The following ADGRL2 variants were observed in gnomAD, a reference collection of about 807,000 sequenced individuals.
The protein encoded by ADGRL2 is calcium-independent alpha-latrotoxin receptor 2.
A neutral mutation model predicts 157.4 loss-of-function variants in ADGRL2; 44 were observed. That is an observed-to-expected ratio of 0.28 (90% confidence interval 0.22 to 0.36). The LOEUF is 0.36. ADGRL2 is among the 10% of genes least tolerant of loss of function. The probability of loss-of-function intolerance (pLI) is 1.00; values close to 1 mark genes in which losing one functional copy is unlikely to be tolerated. For synonymous variants in ADGRL2, 585 were observed against 624.7 expected (o/e 0.94, Z 0.95); for missense variants, 1,510 against 1,768.9 (o/e 0.85, Z 2.63).
chr1:81,475,451 CA>C lies in ADGRL2; in HGVS notation c.-248+30366del, dbSNP rs1361927508. Among the ~76,000 whole-genome samples, 4 of 152,178 alleles carry C rather than the reference CA, an allele frequency of 2.6e-5. No homozygotes were observed. In the Middle Eastern group the frequency reaches 0.01, roughly 388 times the overall value. On this transcript the variant is annotated intron_variant, in intron 2 of 24. Coordinates refer to the ADGRL2 transcript ENST00000370721. ...TAGGTGACATAGGTGAGCTCTTTCT[CA>C]AAAGATTTTTAAAGCATTTATGCAG...
Position 81,941,666 on chromosome 1 carries a change from A to G in ADGRL2, c.398-368A>G, listed in dbSNP as rs76431706. On this transcript the variant is annotated intron_variant, in intron 4 of 23. Transcript: ENST00000686636. ...GCATTTATGTCTATAGCATACATAT[A>G]GGAAGTAAAACTTGGTAAGAATGCT... Among the ~76,000 whole-genome samples, 1,215 of 152,014 alleles carry G rather than the reference A, an allele frequency of 8.0e-3. 22 individuals carry two copies. The highest frequency in any genetic ancestry group is 0.028 in the African/African-American group (1,163 of 41,540).
chr1:81,345,783 C>A (rs1662439858), intron 1 of ADGRL2, among the ~76,000 whole-genome samples: 1 of 151,962 alleles, frequency 6.6e-6, no homozygotes, highest in South Asian at 2.1e-4. Flanking sequence ...CGTAAAAATG[C>A]TTAGAATATT....
chr1:81,859,645 C>T (rs2093326867), intron 2 of ADGRL2, among the ~76,000 whole-genome samples: 1 of 152,000 alleles, frequency 6.6e-6, no homozygotes, highest in South Asian at 2.1e-4. Flanking sequence ...TGAGCTCAAG[C>T]AATCCACCCA....
chr1:81,659,422 T>G (rs947334829), intron 3 of ADGRL2, among the ~76,000 whole-genome samples: 1 of 152,140 alleles, frequency 6.6e-6, no homozygotes, highest in Non-Finnish European at 1.5e-5. Flanking sequence ...CCAAAGTGCA[T>G]GCCAATGGGA....
chr1:81,419,632 T>G (rs1018826282), intron 1 of ADGRL2, among the ~76,000 whole-genome samples: 6 of 152,208 alleles, frequency 3.9e-5, no homozygotes, highest in African/African-American at 1.4e-4. Flanking sequence ...CATAAATATC[T>G]CTAGGACAGT....
At chr1:81,583,132 C>T (rs904358945) in intron 3 of ADGRL2, among the ~76,000 whole-genome samples, 1 of 152,162 alleles carries the variant, frequency 6.6e-6, no homozygotes, top group African/African-American at 2.4e-5. Context: ...AAAGGACAAA[C>T]TATAAACTTA....
At chr1:81,932,405 C>CCT (rs1298812192) in intron 3 of ADGRL2, among the ~76,000 whole-genome samples, 1 of 152,196 alleles carries the variant, frequency 6.6e-6, no homozygotes, top group Non-Finnish European at 1.5e-5. Context: ...AGCAAGAAGA[C>CCT]ATATTAACAT....
At chr1:81,511,793 C>T (rs1010133426) in intron 2 of ADGRL2, among the ~76,000 whole-genome samples, 11 of 151,726 alleles carry the variant, frequency 7.2e-5, no homozygotes, top group African/African-American at 2.4e-4. Context: ...AACAATGTTC[C>T]GGAATTTTTT....
intron 1 of ADGRL2, among the ~76,000 whole-genome samples, chr1:81,343,860 T>TCCTAATACCATACC (rs1192214676): frequency 6.6e-6 from 1 of 152,154 alleles, no homozygotes; most frequent in Non-Finnish European, 1.5e-5. Flanking sequence ...AGTCCTCACC[T>TCCTAATACCATACC]CCTAATACCA....
At chr1:81,698,957 G>T (rs2083501169), upstream of ADGRL2, among the ~76,000 whole-genome samples, 1 of 152,012 alleles carries the variant, frequency 6.6e-6, no homozygotes, top group African/African-American at 2.4e-5. Flanking sequence ...GAGCAAAAAT[G>T]ATTTCCTTTC....
In ADGRL2 at chr1:81,987,091, C is replaced by T. The variant is rs1245544597; in HGVS notation, c.3637+62C>T. ...CTGCTAAACAGAGCTATGATCTTTG[C>T]CCTGTTTCTAAAATATTCAAGTTGT... On this transcript the variant is annotated intron_variant, in intron 22 of 23. Transcript: ENST00000686636. 11 of 1,549,064 alleles carry T rather than the reference C, an allele frequency of 7.1e-6. No individual in the cohort carries two copies. In the Admixed American group the frequency reaches 8.1e-5, roughly 11 times the overall value.
At chr1:81,411,518 A>T (rs2076944504) in intron 1 of ADGRL2, among the ~76,000 whole-genome samples, 1 of 152,182 alleles carries the variant, frequency 6.6e-6, no homozygotes, top group African/African-American at 2.4e-5. Context: ...TCAAAGTTAG[A>T]AGGTAGCAAA....
chr1:81,762,435 A>G (rs1457002546), intron 2 of ADGRL2, among the ~76,000 whole-genome samples: 6 of 152,180 alleles, frequency 3.9e-5, no homozygotes, highest in Admixed American at 3.9e-4. Context: ...AACAGGAAAT[A>G]TTTAGTTTTA....
chr1:81,517,570 T>A (rs2079210194), intron 2 of ADGRL2, among the ~76,000 whole-genome samples: 1 of 151,778 alleles, frequency 6.6e-6, no homozygotes, highest in Admixed American at 6.6e-5. Context: ...ACTGCTTTTG[T>A]CCACTGCTTT....
intron 3 of ADGRL2, among the ~76,000 whole-genome samples, chr1:81,656,310 T>C (rs2082532246): frequency 6.6e-6 from 1 of 152,154 alleles, no homozygotes; most frequent in African/African-American, 2.4e-5. Context: ...AGATGCCAAA[T>C]GGAGACCTAC....
At chr1:81,738,978 G>A (rs2084987539) in intron 1 of ADGRL2, among the ~76,000 whole-genome samples, 1 of 152,204 alleles carries the variant, frequency 6.6e-6, no homozygotes, top group African/African-American at 2.4e-5. Context: ...CTACCCCAGG[G>A]ACCAGTGGCC....
intron 1 of ADGRL2, among the ~76,000 whole-genome samples, chr1:81,349,856 A>T (rs979766096): frequency 3.3e-5 from 5 of 151,818 alleles, no homozygotes; most frequent in Admixed American, 2.6e-4. Context: ...GGAAGGCGGG[A>T]GGGAAAAAAA....
intron 3 of ADGRL2, among the ~76,000 whole-genome samples, chr1:81,917,621 G>A (rs933906993): frequency 2.0e-5 from 3 of 152,146 alleles, no homozygotes; most frequent in Non-Finnish European, 4.4e-5. Context: ...CTCAAAATTT[G>A]TTAACATGTC....
chr1:81,493,006 A>T (rs1005565310), intron 2 of ADGRL2, among the ~76,000 whole-genome samples: 1 of 152,212 alleles, frequency 6.6e-6, no homozygotes, highest in Non-Finnish European at 1.5e-5. Context: ...GCAAATACAT[A>T]AAACTATAGG....
Sources: gnomAD v4.1 joint callset for allele counts (sites outside exome capture counted in the v4.1 genomes callset) on GRCh38, gnomAD v4.1.1 for gene constraint, MANE v1.5 for transcripts, NCBI Gene and HGNC (gene_info 2026-07-23, HGNC 2026-07-21) for gene names.